Variants in CHSY3 observed in about 807,000 individuals in gnomAD.
The protein encoded by CHSY3 is N-acetylgalactosaminyl-proteoglycan 3-beta-glucuronosyltransferase 3.
CHSY3 carries 35 observed loss-of-function variants against 67.2 expected under a neutral mutation model. That is an observed-to-expected ratio of 0.52 (90% CI 0.40 to 0.69). The LOEUF (loss-of-function observed/expected upper bound fraction) is 0.69. Among genes scored for constraint, CHSY3 ranks in the 30% least tolerant of loss-of-function variants. The pLI is 0.00. For missense variants in CHSY3, 1,069 were observed against 1,138.5 expected, an observed-to-expected ratio of 0.94 and a Z score of 0.88; for synonymous variants, 474 against 434.7, an observed-to-expected ratio of 1.09 and a Z score of -1.12.
intron 2 of CHSY3, among the ~76,000 whole-genome samples, chr5:130,143,784 G>GTATA (rs71000950): frequency 0.13 from 9,410 of 73,660 alleles, 777 homozygotes; most frequent in Middle Eastern, 0.32. Context: ...ATATATATGT[G>GTATA]TATATATATA....
chr5:130,090,397 A>G (rs1766840366), intron 2 of CHSY3, among the ~76,000 whole-genome samples: 1 of 152,156 alleles, frequency 6.6e-6, no homozygotes, highest in Admixed American at 6.6e-5. Flanking sequence ...AGTCTCCCAC[A>G]GTACCTGGCT....
intron 2 of CHSY3, among the ~76,000 whole-genome samples, chr5:130,154,722 T>C (rs1475724731): frequency 6.6e-6 from 1 of 152,206 alleles, no homozygotes; most frequent in Non-Finnish European, 1.5e-5. Context: ...GCTGTGTGAC[T>C]CTCAGATGAA....
chr5:129,935,676 A>T (rs1761465375), intron 2 of CHSY3, among the ~76,000 whole-genome samples: 1 of 152,218 alleles, frequency 6.6e-6, no homozygotes, highest in African/African-American at 2.4e-5. Flanking sequence ...TCTTTGATTC[A>T]TCTTGTACCA....
intron 2 of CHSY3, among the ~76,000 whole-genome samples, chr5:130,039,945 C>T (rs970635145): frequency 1.1e-4 from 16 of 152,056 alleles, no homozygotes; most frequent in South Asian, 4.1e-4. Flanking sequence ...AGATTCTGGA[C>T]GTGTGTCTAA....
rs552319942 is a variant in CHSY3 at position 130,035,006 on chromosome 5, G to A, written c.1086+126646G>A. ...GAAGATAAGGATAGAGAACTAACAG[G>A]GGAAACAGCAAGTAAGTTCTTTTAA... On this transcript the variant is annotated intron_variant, in intron 2 of 2. Coordinates refer to ENST00000305031, the MANE Select transcript of CHSY3 (RefSeq NM_175856.5). Among the ~76,000 whole-genome samples, 5 of 152,170 alleles carry A rather than the reference G, an allele frequency of 3.3e-5. No individual in the cohort carries two copies. In the East Asian group the frequency reaches 9.7e-4, roughly 29 times the overall value.
At chr5:129,907,037 T>G (rs994334978) in intron 1 of CHSY3, among the ~76,000 whole-genome samples, 3 of 152,174 alleles carry the variant, frequency 2.0e-5, no homozygotes, top group Admixed American at 6.5e-5. Context: ...ACAGTGGTAT[T>G]TAGGATTGAC....
chr5:130,051,957 A>G (rs1314318804), intron 2 of CHSY3: 2 of 148,590 alleles, frequency 1.3e-5, no homozygotes, highest in African/African-American at 5.0e-5. Context: ...AAAAAAAAAG[A>G]AACTCACCTC....
At chr5:129,941,732 A>G in intron 2 of CHSY3, among the ~76,000 whole-genome samples, 1 of 152,146 alleles carries the variant, frequency 6.6e-6, no homozygotes, top group East Asian at 1.9e-4. Context: ...GTGTCCTCTA[A>G]TTCAGTTCTC....
chr5:129,996,215 T>A (rs1377991144), intron 2 of CHSY3, among the ~76,000 whole-genome samples: 1 of 152,204 alleles, frequency 6.6e-6, no homozygotes, highest in East Asian at 1.9e-4. Flanking sequence ...GAAATTTTGT[T>A]ATTATTACTT....
intron 2 of CHSY3, among the ~76,000 whole-genome samples, chr5:129,963,169 G>C (rs1229956171): frequency 6.6e-6 from 1 of 151,874 alleles, no homozygotes; most frequent in Non-Finnish European, 1.5e-5. Context: ...TTATTGAAGA[G>C]AGATGTGTAC....
intron 2 of CHSY3, among the ~76,000 whole-genome samples, chr5:130,081,581 C>A (rs1470026436): frequency 2.0e-5 from 3 of 151,988 alleles, no homozygotes; most frequent in Non-Finnish European, 4.4e-5. Context: ...CCCATAATAC[C>A]CACATGTTGT....
intron 2 of CHSY3, among the ~76,000 whole-genome samples, chr5:129,960,669 G>A (rs1762304330): frequency 6.6e-6 from 1 of 151,824 alleles, no homozygotes; most frequent in African/African-American, 2.4e-5. Context: ...TAAATATGAA[G>A]CTTTGTATCA....
chr5:129,983,679 G>C (rs1454573969), intron 2 of CHSY3, among the ~76,000 whole-genome samples: 1 of 151,928 alleles, frequency 6.6e-6, no homozygotes, highest in Non-Finnish European at 1.5e-5. Context: ...CTGCCTTTAG[G>C]ATGCTCAGGT....
At chr5:130,086,145 G>C (rs955885161) in intron 2 of CHSY3, among the ~76,000 whole-genome samples, 2 of 152,046 alleles carry the variant, frequency 1.3e-5, no homozygotes, top group African/African-American at 4.8e-5. Context: ...GCAGAGCTGA[G>C]TTCAATTCCT....
chr5:129,998,159 T>C (rs1003047282), intron 2 of CHSY3, among the ~76,000 whole-genome samples: 6 of 152,314 alleles, frequency 3.9e-5, no homozygotes, highest in Non-Finnish European at 7.4e-5. Context: ...CTCCACATCC[T>C]CTCCAGCATC....
intron 2 of CHSY3, among the ~76,000 whole-genome samples, chr5:130,097,601 G>C (rs1767091449): frequency 6.6e-6 from 1 of 152,110 alleles, no homozygotes; most frequent in Non-Finnish European, 1.5e-5. Flanking sequence ...TAGTTCTTTG[G>C]TTTTCCTTTC....
At chr5:130,018,315 G>T (rs1045171234) in intron 2 of CHSY3, among the ~76,000 whole-genome samples, 3 of 151,852 alleles carry the variant, frequency 2.0e-5, no homozygotes, top group African/African-American at 7.3e-5. Flanking sequence ...CAAATAAATT[G>T]CAGTGCCTCT....
intron 2 of CHSY3, among the ~76,000 whole-genome samples, chr5:130,050,818 G>T (rs1765319717): frequency 6.6e-6 from 1 of 152,048 alleles, no homozygotes. Context: ...AAACCAGCCA[G>T]CAGAATTGTT....
At chr5:129,911,144 G>T (rs1476728912) in intron 2 of CHSY3, among the ~76,000 whole-genome samples, 1 of 151,518 alleles carries the variant, frequency 6.6e-6, no homozygotes, top group African/African-American at 2.4e-5. Flanking sequence ...CTTATAAAAA[G>T]AGAATTGAAA....
Sources: allele counts gnomAD v4.1 joint callset (sites outside exome capture counted in the v4.1 genomes callset), GRCh38; gene constraint gnomAD v4.1.1; transcripts MANE v1.5; gene names NCBI Gene and HGNC (gene_info 2026-07-23, HGNC 2026-07-21).